MRPS35: variants seen among roughly 807,000 people sequenced by gnomAD.
The protein encoded by MRPS35 is mitochondrial ribosomal protein S35, also known as small ribosomal subunit protein mS35.
In MRPS35, 29 loss-of-function variants were observed where a neutral mutation model predicts 32.7. That is an observed-to-expected ratio of 0.89 (90% confidence interval 0.66 to 1.21). The LOEUF (loss-of-function observed/expected upper bound fraction) is 1.21. Among genes scored for constraint, MRPS35 ranks in the 50% most tolerant of loss-of-function variants. The pLI is 0.00. For synonymous variants in MRPS35, 148 were observed against 139.3 expected, an observed-to-expected ratio of 1.06 and a Z score of -0.44; for missense variants, 373 against 383.8, an observed-to-expected ratio of 0.97 and a Z score of 0.23.
intron 5 of MRPS35, 122 bp downstream of exon 5, chr12:27,724,308 G>A: frequency 1.2e-6 from 1 of 821,900 alleles, no homozygotes; most frequent in South Asian, 3.5e-5. Flanking sequence ...GGAGGCCAAG[G>A]TGGGAGAATT....
chr12:27,727,332 C>T (rs2061904583), intron 5 of MRPS35, among the ~76,000 whole-genome samples: 1 of 152,110 alleles, frequency 6.6e-6, no homozygotes, highest in Non-Finnish European at 1.5e-5. Context: ...CAGTGATAAA[C>T]ACATACACAA....
chr12:27,748,220 C>T (rs2061987781), intron 7 of MRPS35, among the ~76,000 whole-genome samples: 1 of 152,194 alleles, frequency 6.6e-6, no homozygotes, highest in Non-Finnish European at 1.5e-5. Context: ...ATCTGACTGG[C>T]TCACAGTCAA....
intron 3 of MRPS35, among the ~76,000 whole-genome samples, chr12:27,717,783 C>T (rs572426471): frequency 6.6e-6 from 1 of 152,278 alleles, no homozygotes; most frequent in South Asian, 2.1e-4. Flanking sequence ...TTGTAAATGA[C>T]ATTTTAATAA....
intron 5 of MRPS35, among the ~76,000 whole-genome samples, chr12:27,733,198 A>G (rs2061929714): frequency 6.6e-6 from 1 of 152,104 alleles, no homozygotes; most frequent in Admixed American, 6.5e-5. Flanking sequence ...AGGTTAAAGT[A>G]TTAGCCCAGA....
At chr12:27,738,236 A>C (rs1016945148) in intron 7 of MRPS35, among the ~76,000 whole-genome samples, 10 of 152,320 alleles carry the variant, frequency 6.6e-5, no homozygotes, top group African/African-American at 2.4e-4. Flanking sequence ...TTTATGTTTC[A>C]TATACACTTT....
chr12:27,711,802 C>T (rs935441912), intron 1 of MRPS35, among the ~76,000 whole-genome samples: 1 of 135,654 alleles, frequency 7.4e-6, no homozygotes, highest in Non-Finnish European at 1.6e-5. Context: ...AAATGGTTTC[C>T]CATTGTTTTC....
At chr12:27,751,376 C>T (rs2062002550) in intron 7 of MRPS35, among the ~76,000 whole-genome samples, 1 of 152,056 alleles carries the variant, frequency 6.6e-6, no homozygotes, top group African/African-American at 2.4e-5. Context: ...TGCTGAAGTC[C>T]GAGGGGCGTG....
intron 4 of MRPS35, among the ~76,000 whole-genome samples, chr12:27,721,698 C>T (rs768302526): frequency 5.3e-5 from 8 of 152,072 alleles, no homozygotes; most frequent in Non-Finnish European, 8.8e-5. Flanking sequence ...GTTTTTGTCC[C>T]GTTTGCCACA....
At chr12:27,731,635 C>A (rs1427513275) in intron 5 of MRPS35, among the ~76,000 whole-genome samples, 1 of 152,152 alleles carries the variant, frequency 6.6e-6, no homozygotes, top group African/African-American at 2.4e-5. Flanking sequence ...GTGGCGCGAT[C>A]TTGGCTTACT....
rs11414370 is a variant in MRPS35 at position 27,720,394 on chromosome 12, C to CAA, written c.382+540_382+541dup. Among the ~76,000 whole-genome samples the CAA allele has an allele frequency of 3.8e-3, 386 of 101,610 alleles. 4 individuals carry two copies. Among genetic ancestry groups the CAA allele is most frequent in the African/African-American group, 0.015 (338 of 22,828 alleles). 66.7% of individuals were successfully genotyped at this position (101,610 alleles called of 152,430 possible). A position where few individuals can be genotyped will look rare whatever the true frequency, so the allele number is the denominator to read the frequency against. On this transcript the variant is annotated intron_variant, in intron 4 of 7. Transcript: ENST00000081029. ...GGGCAACAAGAGGGAAACGCCATCT[C>CAA]AAAAAAAAAAAAAAAGAAAACAAAC...
rs761623345 is a variant in MRPS35 at position 27,737,536 on chromosome 12, T to A, written c.633-3T>A. ...TTGACTTCTCCCGCTTTCTCTTTAATAGGTGCCCTTTAAGGAGGCAGAATT... is the reference window on the plus strand; with the variant it reads ...TTGACTTCTCCCGCTTTCTCTTTAAAAGGTGCCCTTTAAGGAGGCAGAATT... On this transcript the variant is annotated splice_polypyrimidine_tract_variant and splice_region_variant and intron_variant, in intron 6 of 7. Transcript: ENST00000081029. 2.5e-6 allele frequency: 4 copies of A among 1,611,442 alleles called. No individual in the cohort carries two copies. The African/African-American group carries it at 4.0e-5, about 16-fold the overall frequency.
intron 6 of MRPS35, among the ~76,000 whole-genome samples, chr12:27,736,703 C>T (rs2061944532): frequency 6.6e-6 from 1 of 152,056 alleles, no homozygotes; most frequent in Non-Finnish European, 1.5e-5. Context: ...ATCCTTAAAG[C>T]TCAATGTGTC....
At chr12:27,720,818 CCTT>C (rs761923854) in intron 4 of MRPS35, among the ~76,000 whole-genome samples, 37 of 152,040 alleles carry the variant, frequency 2.4e-4, no homozygotes, top group Admixed American at 3.9e-4. Flanking sequence ...TACTACTTCT[CCTT>C]CTCCTTCTTT....
Position 27,710,861 on chromosome 12 carries a change from C to G in MRPS35, c.18C>G (p.Leu6=), listed in dbSNP as rs774943485. 6.8e-6 allele frequency: 11 copies of G among 1,608,902 alleles called. No individual in the cohort carries two copies. Among genetic ancestry groups the G allele is most frequent in the African/African-American group, 2.7e-5 (2 of 74,904 alleles). MAAAA[L]PAWLSLQSRA... ...TCGCAGCCATGGCGGCCGCCGCGCT[C>G]CCAGCATGGCTGTCTCTGCAGTCGA... Residue 6 remains leucine, a synonymous_variant, in exon 1 of 8, where the codon CTC becomes CTG. Transcript: ENST00000081029.
intron 2 of MRPS35, among the ~76,000 whole-genome samples, chr12:27,715,559 A>G (rs1470323131): frequency 1.3e-5 from 2 of 152,246 alleles, no homozygotes; most frequent in Admixed American, 1.3e-4. Context: ...GTTGGTGAGC[A>G]ATAGTGTCAG....
At chr12:27,734,676 C>A (rs531696102) in intron 5 of MRPS35, among the ~76,000 whole-genome samples, 4 of 152,200 alleles carry the variant, frequency 2.6e-5, no homozygotes, top group African/African-American at 9.6e-5. Context: ...TGTTGTGAAC[C>A]GTTCCTTGAA....
chr12:27,729,833 G>A (rs1223029003), intron 5 of MRPS35, among the ~76,000 whole-genome samples: 5 of 152,172 alleles, frequency 3.3e-5, no homozygotes, highest in African/African-American at 4.8e-5. Flanking sequence ...ACCACGCCAC[G>A]TGCCATTGCA....
intron 3 of MRPS35, among the ~76,000 whole-genome samples, chr12:27,719,049 T>C (rs2061862245): frequency 1.3e-5 from 2 of 152,086 alleles, no homozygotes; most frequent in Non-Finnish European, 2.9e-5. Context: ...ATTGTGCCAC[T>C]GCACTCCAGC....
intron 5 of MRPS35, among the ~76,000 whole-genome samples, chr12:27,726,770 G>C (rs1593467986): frequency 6.6e-6 from 1 of 151,878 alleles, no homozygotes; most frequent in Non-Finnish European, 1.5e-5. Context: ...TTGACTATTT[G>C]TATATGTTTG....
Sources: gnomAD v4.1 joint callset for allele counts (sites outside exome capture counted in the v4.1 genomes callset) on GRCh38, gnomAD v4.1.1 for gene constraint, MANE v1.5 for transcripts, NCBI Gene and HGNC (gene_info 2026-07-23, HGNC 2026-07-21) for gene names.